Variants in KCTD16 observed in about 807,000 individuals in gnomAD.
KCTD16 encodes the protein BTB/POZ domain-containing protein KCTD16.
Under a neutral mutation model 33.2 loss-of-function variants are expected in KCTD16, and 13 were observed. The observed-to-expected ratio is 0.39, with a 90% CI of 0.25 to 0.62. The LOEUF (loss-of-function observed/expected upper bound fraction) is 0.62, where lower values mean the gene tolerates loss of function less well. Among genes scored for constraint, KCTD16 ranks in the 20% least tolerant of loss-of-function variants. KCTD16 has a pLI of 0.50. For missense variants in KCTD16, 441 were observed against 525.1 expected (o/e 0.84, Z 1.57); for synonymous variants, 197 against 195.3 (o/e 1.01, Z -0.07).
chr5:144,427,261 G>T (rs75377203), intron 3 of KCTD16, among the ~76,000 whole-genome samples: 1 of 152,008 alleles, frequency 6.6e-6, no homozygotes, highest in East Asian at 1.9e-4. Flanking sequence ...CGGGGGGAGG[G>T]GGGTGAGTAT....
intron 3 of KCTD16, among the ~76,000 whole-genome samples, chr5:144,318,014 G>A (rs1013486887): frequency 1.3e-4 from 20 of 152,216 alleles, no homozygotes; most frequent in African/African-American, 4.6e-4. Context: ...GGGGAAGCAT[G>A]CTTTCCACTC....
chr5:144,448,590 T>C (rs554276593), intron 3 of KCTD16, among the ~76,000 whole-genome samples: 1 of 152,228 alleles, frequency 6.6e-6, no homozygotes, highest in East Asian at 1.9e-4. Context: ...GTTCTGGTAT[T>C]GCGAGGAGTG....
At chr5:144,305,260 TGATA>T in intron 3 of KCTD16, among the ~76,000 whole-genome samples, 1 of 152,154 alleles carries the variant, frequency 6.6e-6, no homozygotes, top group East Asian at 1.9e-4. Context: ...GGTTCAATGT[TGATA>T]GGAAGATCTA....
At chr5:144,341,263 G>A (rs1342823031) in intron 3 of KCTD16, among the ~76,000 whole-genome samples, 2 of 152,180 alleles carry the variant, frequency 1.3e-5, no homozygotes, top group African/African-American at 4.8e-5. Context: ...GACAGGAGCA[G>A]GCAGCACCCT....
intron 3 of KCTD16, among the ~76,000 whole-genome samples, chr5:144,295,050 A>C (rs1755998063): frequency 6.6e-6 from 1 of 152,204 alleles, no homozygotes; most frequent in Admixed American, 6.5e-5. Flanking sequence ...GGGGATAGGC[A>C]TGGTCTTTGA....
intron 2 of KCTD16, among the ~76,000 whole-genome samples, chr5:144,176,378 A>G (rs1752505992): frequency 6.8e-6 from 1 of 147,278 alleles, no homozygotes; most frequent in South Asian, 2.2e-4. Flanking sequence ...TTTTAAAGAT[A>G]TAGTGTTTCT....
chr5:144,414,570 T>C (rs985131272), intron 3 of KCTD16, among the ~76,000 whole-genome samples: 21 of 152,216 alleles, frequency 1.4e-4, no homozygotes, highest in Non-Finnish European at 2.4e-4. Context: ...TACTGCATGA[T>C]TTTTGCATAA....
intron 3 of KCTD16, among the ~76,000 whole-genome samples, chr5:144,416,689 A>G (rs1285595329): frequency 6.6e-6 from 1 of 152,144 alleles, no homozygotes; most frequent in Non-Finnish European, 1.5e-5. Flanking sequence ...TATTGTCATA[A>G]TTTTGCCCAA....
At chr5:144,422,682 C>T (rs1351803272) in intron 3 of KCTD16, among the ~76,000 whole-genome samples, 3 of 152,016 alleles carry the variant, frequency 2.0e-5, no homozygotes, top group Non-Finnish European at 4.4e-5. Context: ...AAAGAAATGA[C>T]CTAATCCTCA....
chr5:144,312,196 T>C (rs1261127991), intron 3 of KCTD16, among the ~76,000 whole-genome samples: 1 of 152,186 alleles, frequency 6.6e-6, no homozygotes, highest in Non-Finnish European at 1.5e-5. Context: ...TGGGTGGCCC[T>C]CTTGACATGG....
chr5:144,228,031 G>C (rs1753986986), intron 3 of KCTD16, among the ~76,000 whole-genome samples: 1 of 152,174 alleles, frequency 6.6e-6, no homozygotes, highest in African/African-American at 2.4e-5. Flanking sequence ...AATAATAGGA[G>C]TTAGACATAT....
intron 3 of KCTD16, among the ~76,000 whole-genome samples, chr5:144,322,394 C>T (rs1280665894): frequency 6.6e-6 from 1 of 151,968 alleles, no homozygotes; most frequent in African/African-American, 2.4e-5. Context: ...AGAGCTAATC[C>T]TGGGACTTTC....
intron 3 of KCTD16, among the ~76,000 whole-genome samples, chr5:144,304,039 C>T (rs1751519223): frequency 1.3e-5 from 2 of 152,106 alleles, no homozygotes; most frequent in African/African-American, 2.4e-5. Context: ...ATCTAAACTC[C>T]TCCCCTTCTT....
intron 3 of KCTD16, among the ~76,000 whole-genome samples, chr5:144,212,712 G>C (rs767465709): frequency 6.6e-6 from 1 of 152,154 alleles, no homozygotes; most frequent in Non-Finnish European, 1.5e-5. Context: ...GCATCATAAC[G>C]CACTGTTGCT....
At chr5:144,215,173 G>A (rs1036128649) in intron 3 of KCTD16, among the ~76,000 whole-genome samples, 3 of 152,102 alleles carry the variant, frequency 2.0e-5, no homozygotes, top group Non-Finnish European at 2.9e-5. Context: ...TCGCACCTGC[G>A]CAAAGATTCT....
intron 2 of KCTD16, chr5:144,205,800 C>A (rs1424306877): frequency 5.2e-6 from 2 of 381,526 alleles, no homozygotes; most frequent in Non-Finnish European, 9.2e-6. Context: ...ACTTAAGATA[C>A]GGAATGAACA....
At chr5:144,182,351 C>A (rs1221567381) in intron 2 of KCTD16, among the ~76,000 whole-genome samples, 2 of 152,164 alleles carry the variant, frequency 1.3e-5, no homozygotes, top group Admixed American at 1.3e-4. Flanking sequence ...AGTACCCAGT[C>A]TGTGGCATTC....
chr5:144,426,460 G>T (rs190812228), intron 3 of KCTD16, among the ~76,000 whole-genome samples: 2 of 152,136 alleles, frequency 1.3e-5, no homozygotes, highest in Non-Finnish European at 2.9e-5. Flanking sequence ...TTTCTAGCCT[G>T]CTCTCTAAAA....
At chr5:144,467,326 C>G (rs999142815) in intron 3 of KCTD16, among the ~76,000 whole-genome samples, 3 of 151,922 alleles carry the variant, frequency 2.0e-5, no homozygotes, top group African/African-American at 7.3e-5. Context: ...GTCACACACA[C>G]ATTCACACAC....
Sources: allele counts gnomAD v4.1 joint callset (sites outside exome capture counted in the v4.1 genomes callset), GRCh38; gene constraint gnomAD v4.1.1; transcripts MANE v1.5; gene names NCBI Gene and HGNC (gene_info 2026-07-23, HGNC 2026-07-21).